FMN1: variants seen among roughly 807,000 people sequenced by gnomAD.
FMN1 encodes formin-1.
A neutral mutation model predicts 132.4 loss-of-function variants in FMN1; 110 were observed. The observed-to-expected ratio is 0.83, with a 90% CI of 0.71 to 0.97. The LOEUF (loss-of-function observed/expected upper bound fraction) is 0.97, where lower values mean the gene tolerates loss of function less well. Among genes scored for constraint, FMN1 ranks in the 50% least tolerant of loss-of-function variants. FMN1 has a pLI of 0.00. For missense variants in FMN1, 1,792 were observed against 1,705.3 expected (o/e 1.05, Z -0.90); for synonymous variants, 722 against 651.7 (o/e 1.11, Z -1.64).
rs113843364 is a variant in FMN1 at position 33,116,844 on chromosome 15, T to C, written c.1868-27870A>G. On this transcript the variant is annotated intron_variant, in intron 4 of 20. Transcript: ENST00000616417. ...CATCTGACTTTGGGCAGGTCCTTCA[T>C]AGAGAAAATGGAAATAACAGAGATC... Among the ~76,000 whole-genome samples the C allele has an allele frequency of 3.7e-3, 569 of 152,236 alleles. 3 individuals carry two copies. The highest frequency in any genetic ancestry group is 0.013 in the African/African-American group (524 of 41,544).
At chr15:33,072,651 A>C (rs2038042635) in intron 5 of FMN1, among the ~76,000 whole-genome samples, 1 of 152,206 alleles carries the variant, frequency 6.6e-6, no homozygotes, top group African/African-American at 2.4e-5. Context: ...GGCTGGGCAC[A>C]GTAGCTCACG....
chr15:33,038,742 T>G (rs2036295669), intron 6 of FMN1, among the ~76,000 whole-genome samples: 2 of 152,208 alleles, frequency 1.3e-5, no homozygotes, highest in Non-Finnish European at 2.9e-5. Flanking sequence ...TTGAGCAAAG[T>G]ATCATAGACT....
At chr15:33,192,551 C>T (rs1358105099) in intron 2 of FMN1, among the ~76,000 whole-genome samples, 2 of 152,320 alleles carry the variant, frequency 1.3e-5, no homozygotes, top group African/African-American at 2.4e-5. Flanking sequence ...GCATCTTTAA[C>T]GTATCTCAAC....
chr15:33,148,387 C>A (rs1227497950), intron 4 of FMN1, among the ~76,000 whole-genome samples: 1 of 152,192 alleles, frequency 6.6e-6, no homozygotes, highest in Non-Finnish European at 1.5e-5. Context: ...ATTCATCCCC[C>A]TCATCCAGAC....
chr15:33,193,351 A>G (rs1966144167), intron 2 of FMN1, among the ~76,000 whole-genome samples: 2 of 152,162 alleles, frequency 1.3e-5, no homozygotes, highest in African/African-American at 4.8e-5. Context: ...GTTGAATCCC[A>G]TTGGTGTGCC....
At position 32,800,777 on chromosome 15, in the gene FMN1, G is replaced by A. The variant is rs141089272; in HGVS notation, c.3981-1824C>T. 7.9e-5 allele frequency among the ~76,000 whole-genome samples: 12 copies of A among 152,282 alleles called. No individual in the cohort carries two copies. In the East Asian group the frequency reaches 1.5e-3, roughly 20 times the overall value. On this transcript the variant is annotated intron_variant, in intron 18 of 20. Transcript: ENST00000616417. ...GCTCTGTCTGCTTTATCTTTCTGTT[G>A]CTCATGCTCAATAACACAGGCATTT...
intron 10 of FMN1, among the ~76,000 whole-genome samples, chr15:32,914,886 G>A (rs1014120491): frequency 6.6e-6 from 1 of 152,166 alleles, no homozygotes; most frequent in Admixed American, 6.5e-5. Context: ...TGTCCCCCAG[G>A]GACTGGGAAA....
intron 10 of FMN1, among the ~76,000 whole-genome samples, chr15:32,911,351 T>TCC (rs35735295): frequency 0.26 from 39,732 of 151,964 alleles, 5,572 homozygotes; most frequent in Non-Finnish European, 0.32. Context: ...CAACCCTACC[T>TCC]CCCTTCCCTG....
intron 4 of FMN1, among the ~76,000 whole-genome samples, chr15:33,120,935 G>A (rs1962493968): frequency 6.6e-6 from 1 of 152,036 alleles, no homozygotes; most frequent in Admixed American, 6.6e-5. Flanking sequence ...AGTACAGTAA[G>A]CCCATCATCT....
At chr15:32,943,602 G>A (rs1050162512) in intron 9 of FMN1, among the ~76,000 whole-genome samples, 1 of 152,310 alleles carries the variant, frequency 6.6e-6, no homozygotes, top group Admixed American at 6.5e-5. Context: ...TGGAAGACAC[G>A]TAGAATCCTA....
chr15:32,945,924 T>A (rs867579654), intron 9 of FMN1, among the ~76,000 whole-genome samples: 23 of 152,222 alleles, frequency 1.5e-4, no homozygotes, highest in African/African-American at 5.3e-4. Flanking sequence ...AGTCTTCATT[T>A]GCCGCCATTG....
chr15:32,937,123 G>T (rs2061294310), intron 9 of FMN1, among the ~76,000 whole-genome samples: 1 of 152,184 alleles, frequency 6.6e-6, no homozygotes, highest in South Asian at 2.1e-4. Flanking sequence ...CCCTGAGCAA[G>T]GGTGAGGGGC....
At chr15:32,952,977 G>A (rs1295254380) in intron 9 of FMN1, among the ~76,000 whole-genome samples, 1 of 152,126 alleles carries the variant, frequency 6.6e-6, no homozygotes, top group Non-Finnish European at 1.5e-5. Flanking sequence ...CCCTTGCAGT[G>A]AGAAGCTAAA....
intron 17 of FMN1, among the ~76,000 whole-genome samples, chr15:32,822,265 C>T (rs1307156721): frequency 3.9e-5 from 6 of 152,128 alleles, no homozygotes; most frequent in Non-Finnish European, 7.4e-5. Flanking sequence ...AGGAGAATCA[C>T]GTGAACCCAG....
chr15:32,811,269 T>G (rs539845276), intron 17 of FMN1, among the ~76,000 whole-genome samples: 11 of 152,310 alleles, frequency 7.2e-5, no homozygotes, highest in African/African-American at 2.6e-4. Flanking sequence ...GTGGTGAAAT[T>G]AGAAGAGTGA....
At chr15:33,182,770 C>T (rs1324183683) in intron 2 of FMN1, among the ~76,000 whole-genome samples, 1 of 152,202 alleles carries the variant, frequency 6.6e-6, no homozygotes, top group Non-Finnish European at 1.5e-5. Context: ...AAATGTCACC[C>T]ACCCTGGAAA....
At position 33,154,086 on chromosome 15, in the gene FMN1, C is replaced by T; in HGVS notation, c.829G>A (p.Gly277Arg). Residue 277 changes from glycine (G) to arginine (R), a missense_variant, in exon 4 of 21, where the codon GGA becomes AGA. Gly to Arg is a moderately radical substitution (Grantham distance 125, BLOSUM62 -2). Coordinates refer to ENST00000616417, the MANE Select transcript of FMN1 (RefSeq NM_001277313.2). Reference sequence around the variant, plus strand: ...GGCGGCCTCCGAATGCCATCCCCTCCTGCCTCTGTGGAGCTGCAGTCAGGG... The same window carrying T: ...GGCGGCCTCCGAATGCCATCCCCTCTTGCCTCTGTGGAGCTGCAGTCAGGG... The part of the protein sequence containing the change: ...LPPDCSSTEA[G>R]GDGIRRPPSG... The T allele has an allele frequency of 2.0e-6, 3 of 1,536,278 alleles. No individual in the cohort carries two copies. The highest frequency in any genetic ancestry group is 2.6e-6 in the Non-Finnish European group (3 of 1,146,958).
intron 5 of FMN1, among the ~76,000 whole-genome samples, chr15:33,085,887 C>T (rs934416384): frequency 6.6e-6 from 1 of 152,062 alleles, no homozygotes; most frequent in Non-Finnish European, 1.5e-5. Flanking sequence ...ATGGAATATT[C>T]ATCACTTAAA....
chr15:33,086,307 CTT>C (rs1445732837), intron 5 of FMN1, among the ~76,000 whole-genome samples: 1 of 104,410 alleles, frequency 9.6e-6, no homozygotes, highest in African/African-American at 3.7e-5. Flanking sequence ...ATCTGGCATG[CTT>C]TTATGTTTAA....
Sources: gnomAD v4.1 joint callset for allele counts (sites outside exome capture counted in the v4.1 genomes callset) on GRCh38, gnomAD v4.1.1 for gene constraint, MANE v1.5 for transcripts, NCBI Gene and HGNC (gene_info 2026-07-23, HGNC 2026-07-21) for gene names.